Variants in CFAP74 observed in about 807,000 individuals in gnomAD.
CFAP74 encodes cilia- and flagella-associated protein 74.
CFAP74 carries 124 observed loss-of-function variants against 188.9 expected under a neutral mutation model. The ratio of observed to expected loss-of-function variants is 0.66; its 90% CI spans 0.57 to 0.76. The LOEUF (loss-of-function observed/expected upper bound fraction) is 0.76, where lower values mean the gene tolerates loss of function less well. Among genes scored for constraint, CFAP74 ranks in the 30% least tolerant of loss-of-function variants. The probability of loss-of-function intolerance (pLI) is 0.00; values close to 1 mark genes in which losing one functional copy is unlikely to be tolerated. For synonymous variants in CFAP74, 956 were observed against 916.7 expected (o/e 1.04, Z -0.77); for missense variants, 2,198 against 2,165.2 (o/e 1.02, Z -0.30).
At chr1:1,941,100 G>A (rs1011703741) in intron 22 of CFAP74, among the ~76,000 whole-genome samples, 5 of 151,552 alleles carry the variant, frequency 3.3e-5, no homozygotes, top group Non-Finnish European at 7.4e-5. Context: ...GCGACAGAGC[G>A]AGACTCTGTC....
At chr1:1,958,731 G>A (rs1044839682) in intron 16 of CFAP74, among the ~76,000 whole-genome samples, 3 of 149,992 alleles carry the variant, frequency 2.0e-5, no homozygotes, top group African/African-American at 7.6e-5. Flanking sequence ...GGGTTGCAGC[G>A]CGTGGAGCCT....
intron 14 of CFAP74, among the ~76,000 whole-genome samples, chr1:1,960,689 C>T (rs1423182945): frequency 6.6e-6 from 1 of 152,176 alleles, no homozygotes; most frequent in Non-Finnish European, 1.5e-5. Flanking sequence ...AAAATGTGTC[C>T]CTGGCTGGCA....
At chr1:1,954,355 G>A (rs779261098) in intron 18 of CFAP74, 2 of 152,232 alleles carry the variant, frequency 1.3e-5, no homozygotes, top group African/African-American at 4.8e-5. Context: ...TGTGGAGGAG[G>A]ACCTGAATTT....
At position 1,924,404 on chromosome 1, in the gene CFAP74, C is replaced by G; in HGVS notation, c.4221G>C (p.Arg1407Ser). The change falls in exon 34 of 39, where the codon AGG (arginine) becomes AGC (serine). Residue 1407 changes from arginine (R) to serine (S), a missense_variant. Transcript: ENST00000682832. ...LPQFLSSPSQ[R>S]TEVVGTQNLN... ...CCCCCCGCTCACCGACCACCTCCGTCCTCTGGGAGGGCGAGCTGAGGAACT... is the reference window on the plus strand; with the variant it reads ...CCCCCCGCTCACCGACCACCTCCGTGCTCTGGGAGGGCGAGCTGAGGAACT... 2.0e-6 allele frequency: 2 copies of G among 997,424 alleles called. No individual in the cohort carries two copies. The highest frequency in any genetic ancestry group is 2.7e-6 in the Non-Finnish European group (2 of 738,244). The allele number at this position is 997,424 out of a possible 1,614,324, so 61.8% of individuals were successfully genotyped here. A position where few individuals can be genotyped will look rare whatever the true frequency, so the allele number is the denominator to read the frequency against.
chr1:1,926,173 C>T (rs1444862408), intron 32 of CFAP74, 55 bp downstream of exon 32: 3 of 1,464,326 alleles, frequency 2.0e-6, no homozygotes, highest in East Asian at 2.5e-5. Flanking sequence ...TGCCTTTGTT[C>T]TGCAGTGTGG....
chr1:1,932,396 CAAAAAAAAAA>C (rs374579472), intron 25 of CFAP74, among the ~76,000 whole-genome samples: 1 of 98,254 alleles, frequency 1.0e-5, no homozygotes, highest in South Asian at 3.6e-4. Context: ...GACTCTGTCT[CAAAAAAAAAA>C]AAAAAGAAAA....
At chr1:1,947,937 A>G (rs1232609835) in intron 18 of CFAP74, among the ~76,000 whole-genome samples, 1 of 151,816 alleles carries the variant, frequency 6.6e-6, no homozygotes, top group African/African-American at 2.4e-5. Flanking sequence ...CAATGGTGTG[A>G]TCTTGACTCA....
chr1:1,922,497 C>T, intron 38 of CFAP74, 92 bp downstream of exon 38: 2 of 1,552,950 alleles, frequency 1.3e-6, no homozygotes, highest in Admixed American at 1.9e-5. Context: ...TCCTCCACGG[C>T]CACCTCCTCC....
At chr1:1,961,927 C>G (rs774395692) in intron 14 of CFAP74, among the ~76,000 whole-genome samples, 33 of 152,304 alleles carry the variant, frequency 2.2e-4, no homozygotes, top group Admixed American at 2.0e-4. Context: ...TCAGAGCCCA[C>G]GCGCCCCTGG....
intron 1 of CFAP74, among the ~76,000 whole-genome samples, chr1:1,991,895 C>G (rs974582931): frequency 6.6e-6 from 1 of 151,816 alleles, no homozygotes; most frequent in Non-Finnish European, 1.5e-5. Flanking sequence ...AAAAAATTAG[C>G]CGGGCATGGT....
At chr1:1,987,873 C>T (rs535165330) in intron 4 of CFAP74, 257 of 340,814 alleles carry the variant, frequency 7.5e-4, no homozygotes, top group Non-Finnish European at 1.1e-3. Flanking sequence ...CGGGCGCTGC[C>T]GGAGCCGAGG....
rs759071515 is a variant in CFAP74 at position 1,973,014 on chromosome 1, G to T, written c.708C>A (p.Leu236=). The T allele has an allele frequency of 1.3e-5, 21 of 1,613,924 alleles. No homozygotes were observed. The South Asian group carries it at 1.4e-4, about 11-fold the overall frequency. Residue 236 remains leucine, a synonymous_variant, in exon 8 of 39, where the codon CTC becomes CTA. Coordinates refer to ENST00000682832, the MANE Select transcript of CFAP74 (RefSeq NM_001304360.2). This position sits in a 1 kb window ranked among gnomAD's most constrained non-coding sequence, Gnocchi z 6.2. ...KSLNTQKELG[L]RHQKLLEDAR... is the part of the protein sequence containing the mutation. The stretch of plus-strand genomic sequence containing the variant: ...CGTCCTCCAGCAGCTTCTGGTGCCT[G>T]AGCCCGAGCTCCTTCTGGGTGTTCA...
intron 19 of CFAP74, among the ~76,000 whole-genome samples, chr1:1,946,787 C>G (rs1000256981): frequency 2.6e-5 from 4 of 152,220 alleles, no homozygotes; most frequent in Non-Finnish European, 5.9e-5. Context: ...CCTGCACAGC[C>G]GGAGGCGGTG....
chr1:1,993,846 G>A (rs570103963), intron 1 of CFAP74, among the ~76,000 whole-genome samples: 2 of 151,304 alleles, frequency 1.3e-5, no homozygotes, highest in African/African-American at 2.4e-5. Flanking sequence ...GCCGGGCGTG[G>A]TGGCGGGCGC....
At chr1:1,958,998 G>T in intron 16 of CFAP74, 122 bp downstream of exon 16, 2 of 675,200 alleles carry the variant, frequency 3.0e-6, no homozygotes, top group Non-Finnish European at 5.2e-6. Context: ...CCCTGGTGAA[G>T]ATTGGAGCTT....
At chr1:1,934,156 C>T (rs1652632820) in intron 25 of CFAP74, among the ~76,000 whole-genome samples, 1 of 152,214 alleles carries the variant, frequency 6.6e-6, no homozygotes, top group African/African-American at 2.4e-5. Context: ...CCCCTCAGTA[C>T]TGGGTACAGC....
intron 1 of CFAP74, among the ~76,000 whole-genome samples, chr1:1,991,778 A>T (rs7529662): frequency 6.6e-6 from 1 of 151,924 alleles, no homozygotes; most frequent in East Asian, 1.9e-4. Context: ...GGTGGCTCAC[A>T]CCTGTAATCC....
At chr1:1,966,297 G>A (rs1208760511) in intron 12 of CFAP74, 74 bp downstream of exon 12, 52 of 1,360,770 alleles carry the variant, frequency 3.8e-5, no homozygotes, top group Non-Finnish European at 5.1e-5. Flanking sequence ...GCCGGGGCAG[G>A]CGTGGGAGGT....
chr1:1,959,054 G>T, intron 16 of CFAP74, 66 bp downstream of exon 16: 1 of 1,079,978 alleles, frequency 9.3e-7, no homozygotes. Context: ...AGGAGATGCC[G>T]TCCCCCACTG....
Sources: gnomAD v4.1 joint callset for allele counts (sites outside exome capture counted in the v4.1 genomes callset) on GRCh38, gnomAD v4.1.1 for gene constraint, Gnocchi (gnomAD v3.1) non-coding constraint, MANE v1.5 for transcripts, NCBI Gene and HGNC (gene_info 2026-07-23, HGNC 2026-07-21) for gene names.